Variants in SF3A1 observed in about 807,000 individuals in gnomAD.
The protein encoded by SF3A1 is SAP 114.
SF3A1 carries 13 observed loss-of-function variants against 89.9 expected under a neutral mutation model. That is an observed-to-expected ratio of 0.14 (90% CI 0.09 to 0.23). The LOEUF is 0.23. SF3A1 is among the 10% of genes least tolerant of loss of function. SF3A1 has a pLI of 1.00. For missense variants in SF3A1, 604 were observed against 1,022.1 expected (o/e 0.59, Z 5.58); for synonymous variants, 405 against 374.4 (o/e 1.08, Z -0.94).
In SF3A1 at chr22:30,340,184, C is replaced by T. The variant is rs767913296; in HGVS notation, c.1375+12G>A. ...GAGACTACCATGGGCTCTCCTGGAA[C>T]CCCCACCTCACCTGGTGCGTACACC... is the stretch of plus-strand genomic sequence containing the variant. On this transcript the variant is annotated intron_variant, in intron 9 of 15. Coordinates refer to ENST00000215793, the MANE Select transcript of SF3A1 (RefSeq NM_005877.6). 19 of 1,495,550 alleles carry T rather than the reference C, an allele frequency of 1.3e-5. No individual in the cohort carries two copies. Among genetic ancestry groups the T allele is most frequent in the Admixed American group, 2.7e-5 (1 of 37,090 alleles). The allele number at this position is 1,495,550 out of a possible 1,614,324, so 92.6% of individuals were successfully genotyped here.
At chr22:30,347,860 T>C (rs1417701617) in intron 2 of SF3A1, among the ~76,000 whole-genome samples, 2 of 152,156 alleles carry the variant, frequency 1.3e-5, no homozygotes, top group South Asian at 2.1e-4. Context: ...TTTTGTTTTA[T>C]AGACAGGGTC....
At position 30,341,874 on chromosome 22, in the gene SF3A1, G is replaced by T. The variant is rs1192230813; in HGVS notation, c.889C>A (p.Pro297Thr). Residue 297 changes from proline to threonine, a missense_variant, in exon 7 of 16, where the codon CCC (proline) becomes ACC (threonine). Around this residue, in one of 9 missense-constraint regions of SF3A1, gnomAD observed 146 missense variants for 228.5 expected, o/e 0.64. Coordinates refer to ENST00000215793, the MANE Select transcript of SF3A1 (RefSeq NM_005877.6). ...CCCAGCTCCTCTGGCGTGGTGGGGGGAGGGAAGTTCCCTAGAGGGTGAGCC... is the reference window on the plus strand; with the variant it reads ...CCCAGCTCCTCTGGCGTGGTGGGGGTAGGGAAGTTCCCTAGAGGGTGAGCC... Reference protein sequence around the residue: ...FQPNEQGNFPPPTTPEELGAR... With the variant: ...FQPNEQGNFPTPTTPEELGAR... 6.2e-7 allele frequency: 1 copy of T among 1,612,608 alleles called. No individual in the cohort carries two copies.
At position 30,334,156 on chromosome 22, in the gene SF3A1, G is replaced by A. The variant is rs145711744; in HGVS notation, c.*438C>T. On this transcript the variant is annotated 3_prime_UTR_variant, in exon 16 of 16. Transcript: ENST00000215793. ...GAGTCTGGACAGGGCACAGGTGACC[G>A]AGACAAGTCTTATTTAACTGATTTC... is the stretch of plus-strand genomic sequence containing the variant. The A allele has an allele frequency of 7.6e-4, 123 of 161,420 alleles. 1 individual carries two copies. In the Middle Eastern group the frequency reaches 0.012, roughly 15 times the overall value. 10.0% of individuals were successfully genotyped at this position (161,420 alleles called of 1,614,324 possible).
chr22:30,350,668 A>G (rs1931564918), intron 2 of SF3A1, among the ~76,000 whole-genome samples: 1 of 152,238 alleles, frequency 6.6e-6, no homozygotes, highest in Admixed American at 6.5e-5. Context: ...TAGTATTACA[A>G]GGATCTAAAA....
chr22:30,334,733 C>A, intron 15 of SF3A1, 38 bp from the exon 16 acceptor site: 1 of 1,453,232 alleles, frequency 6.9e-7, no homozygotes, highest in Non-Finnish European at 9.6e-7. Flanking sequence ...TGGGGCAACC[C>A]AGCCTTGGGG....
At chr22:30,346,274 A>G (rs751505987) in intron 3 of SF3A1, 38 bp downstream of exon 3, 1 of 1,375,940 alleles carries the variant, frequency 7.3e-7, no homozygotes, top group South Asian at 1.2e-5. Context: ...TTTCCCTCTC[A>G]AGCCCTGCGT....
At chr22:30,346,234 A>T (rs1469338974) in intron 3 of SF3A1, 78 bp downstream of exon 3, 2 of 965,804 alleles carry the variant, frequency 2.1e-6, no homozygotes, top group Non-Finnish European at 3.2e-6. Flanking sequence ...TGAGATTTGG[A>T]GTTAATTGTG....
Position 30,337,187 on chromosome 22 carries a change from A to C in SF3A1, c.1952-7T>G, listed in dbSNP as rs1022466216. ...GGTGGAGCAGGCACAAAGGCTGCAA[A>C]GACAAGAATAAGCAGCCCCATGAGA... On this transcript the variant is annotated splice_region_variant and splice_polypyrimidine_tract_variant and intron_variant, in intron 12 of 15. Coordinates refer to ENST00000215793, the MANE Select transcript of SF3A1 (RefSeq NM_005877.6). 1.5e-5 allele frequency: 24 copies of C among 1,604,590 alleles called. No homozygotes were observed. The highest frequency in any genetic ancestry group is 2.0e-5 in the Non-Finnish European group (24 of 1,175,454).
intron 4 of SF3A1, among the ~76,000 whole-genome samples, chr22:30,344,725 C>T (rs948377819): frequency 3.2e-4 from 48 of 152,260 alleles, no homozygotes; most frequent in African/African-American, 1.0e-3. Flanking sequence ...TATTTCCCTT[C>T]TCTTTAGAAA....
chr22:30,349,357 T>C (rs1018555631), intron 2 of SF3A1, among the ~76,000 whole-genome samples: 1 of 152,252 alleles, frequency 6.6e-6, no homozygotes. Context: ...CTTGGCTCAC[T>C]GCAACCTCTG....
At chr22:30,348,251 T>C (rs1178452563) in intron 2 of SF3A1, among the ~76,000 whole-genome samples, 3 of 152,292 alleles carry the variant, frequency 2.0e-5, no homozygotes, top group Middle Eastern at 3.4e-3. Context: ...ACCTTGTACT[T>C]AGAACTGCCC....
chr22:30,341,301 G>A (rs957831188), intron 7 of SF3A1, among the ~76,000 whole-genome samples: 1 of 152,206 alleles, frequency 6.6e-6, no homozygotes, highest in East Asian at 1.9e-4. Context: ...CTGGCTTGAA[G>A]GGGGTAGGGA....
chr22:30,352,288 G>C (rs1207894002), intron 2 of SF3A1, among the ~76,000 whole-genome samples: 5 of 151,694 alleles, frequency 3.3e-5, no homozygotes, highest in South Asian at 2.1e-4. Context: ...TGTGGGGAGA[G>C]AGAGGATCTC....
intron 15 of SF3A1, 32 bp from the exon 16 acceptor site, chr22:30,334,727 G>A: frequency 6.7e-7 from 1 of 1,498,908 alleles, no homozygotes; most frequent in Non-Finnish European, 9.2e-7. Flanking sequence ...TTAGCATGGG[G>A]CAACCCAGCC....
chr22:30,339,013 C>T lies in SF3A1; in HGVS notation c.1519G>A (p.Gly507Ser). ...EEKVTWDGHS[G>S]SMARTQQAAQ... Reference sequence around the variant, plus strand: ...GCCTGCTGGGTCCGGGCCATGCTGCCTGAGTGGCCATCCCAGGTCACCTGC... The same window carrying T: ...GCCTGCTGGGTCCGGGCCATGCTGCTTGAGTGGCCATCCCAGGTCACCTGC... The change falls in exon 11 of 16, where the codon GGC becomes AGC. Residue 507 changes from glycine to serine, a missense_variant. By Grantham distance (56) the Gly-to-Ser change is moderately conservative. Coordinates refer to ENST00000215793, the MANE Select transcript of SF3A1 (RefSeq NM_005877.6). 1 of 1,614,182 alleles carries T rather than the reference C, an allele frequency of 6.2e-7. No homozygotes were observed. The highest frequency in any genetic ancestry group is 8.5e-7 in the Non-Finnish European group (1 of 1,180,028).
At chr22:30,343,373 C>G (rs1298839267) in intron 4 of SF3A1, among the ~76,000 whole-genome samples, 1 of 152,218 alleles carries the variant, frequency 6.6e-6, no homozygotes, top group Non-Finnish European at 1.5e-5. Context: ...CCTCACTAGA[C>G]TAGAAACTCC....
Position 30,345,155 on chromosome 22 carries a change from G to C in SF3A1, c.429C>G (p.Pro143=). Residue 143 remains proline, a synonymous_variant, in exon 4 of 16, where the codon CCC becomes CCG. Transcript: ENST00000215793. ...ACTCAAACTCAGGAGGAGGCTCTTTGGGCACGATGGTCTCTTGGATTACTT... is the reference window on the plus strand; with the variant it reads ...ACTCAAACTCAGGAGGAGGCTCTTTCGGCACGATGGTCTCTTGGATTACTT... ...QAQVIQETIV[P]KEPPPEFEFI... The C allele has an allele frequency of 1.2e-6, 2 of 1,614,048 alleles. No homozygotes were observed. Among genetic ancestry groups the C allele is most frequent in the Admixed American group, 3.3e-5 (2 of 60,022 alleles).
intron 1 of SF3A1, 106 bp downstream of exon 1, chr22:30,356,624 G>T: frequency 1.2e-6 from 1 of 847,070 alleles, no homozygotes; most frequent in Non-Finnish European, 1.6e-6. Flanking sequence ...CTTGGGACTT[G>T]CAGTCCCTCC....
chr22:30,334,424 A>G lies in SF3A1; in HGVS notation c.*170T>C. 1 of 511,326 alleles carries G rather than the reference A, an allele frequency of 2.0e-6. No homozygotes were observed. The highest frequency in any genetic ancestry group is 2.7e-5 in the South Asian group (1 of 36,514). 31.7% of individuals were successfully genotyped at this position (511,326 alleles called of 1,614,324 possible). On this transcript the variant is annotated 3_prime_UTR_variant, in exon 16 of 16. Transcript: ENST00000215793. ...CCCAGCTACTCTTACCAATGTGGGG[A>G]AAGGGTCAGGGGAATGAACCTCTGC...
Sources: gnomAD v4.1 joint callset for allele counts (sites outside exome capture counted in the v4.1 genomes callset) on GRCh38, gnomAD v4.1.1 for gene constraint, gnomAD v4.1.1 regional missense constraint, MANE v1.5 for transcripts, NCBI Gene and HGNC (gene_info 2026-07-23, HGNC 2026-07-21) for gene names.